TBC1D15: variants seen among roughly 807,000 people sequenced by gnomAD.
TBC1D15 encodes GAP for RAB7.
A neutral mutation model predicts 95.4 loss-of-function variants in TBC1D15; 39 were observed. The observed-to-expected ratio is 0.41, with a 90% CI of 0.32 to 0.53. The LOEUF (loss-of-function observed/expected upper bound fraction) is 0.53. Among genes scored for constraint, TBC1D15 ranks in the 20% least tolerant of loss-of-function variants. TBC1D15 has a pLI of 0.29. For missense variants in TBC1D15, 733 were observed against 794.3 expected (o/e 0.92, Z 0.93); for synonymous variants, 258 against 261.3 (o/e 0.99, Z 0.12).
chr12:71,920,975 A>G (rs1869065958), intron 15 of TBC1D15, 128 bp downstream of exon 15: 1 of 666,378 alleles, frequency 1.5e-6, no homozygotes. Context: ...TAACAGTGCT[A>G]GGAATGACTA....
At chr12:71,900,152 T>G (rs1899036109) in intron 10 of TBC1D15, among the ~76,000 whole-genome samples, 1 of 151,902 alleles carries the variant, frequency 6.6e-6, no homozygotes, top group Non-Finnish European at 1.5e-5. Flanking sequence ...ATGGTGAAAT[T>G]GAATTAAGTG....
chr12:71,911,009 AAC>A (rs1384658722), intron 11 of TBC1D15, among the ~76,000 whole-genome samples: 1 of 152,162 alleles, frequency 6.6e-6, no homozygotes, highest in Non-Finnish European at 1.5e-5. Flanking sequence ...GCAGCCAAAA[AAC>A]ACACGAAAAA....
At chr12:71,880,721 G>T (rs755657170) in intron 4 of TBC1D15, 114 bp downstream of exon 4, 33 of 1,181,506 alleles carry the variant, frequency 2.8e-5, no homozygotes, top group South Asian at 4.3e-5. Flanking sequence ...TAATTTCTTT[G>T]GTTAATAGGT....
intron 5 of TBC1D15, among the ~76,000 whole-genome samples, chr12:71,891,223 T>A (rs1452244385): frequency 6.6e-6 from 1 of 152,218 alleles, no homozygotes; most frequent in Non-Finnish European, 1.5e-5. Context: ...AGTTTATAAT[T>A]TCTGAGTTTA....
chr12:71,875,496 T>TTA (rs1255325284), intron 3 of TBC1D15, among the ~76,000 whole-genome samples: 1 of 152,046 alleles, frequency 6.6e-6, no homozygotes, highest in African/African-American at 2.4e-5. Flanking sequence ...TCTTCTGAGT[T>TTA]TTATAGTTTT....
intron 11 of TBC1D15, 25 bp from the exon 12 acceptor site, chr12:71,913,801 A>G (rs1903019920): frequency 1.3e-6 from 2 of 1,527,694 alleles, no homozygotes; most frequent in African/African-American, 1.4e-5. Context: ...GGGTTTTCAG[A>G]GATGATTTTT....
intron 1 of TBC1D15, among the ~76,000 whole-genome samples, chr12:71,864,068 T>C (rs1890951176): frequency 6.6e-6 from 1 of 152,078 alleles, no homozygotes; most frequent in African/African-American, 2.4e-5. Flanking sequence ...GGTGTCCTAT[T>C]TTCTTGCTTT....
chr12:71,883,166 T>G (rs1189111899), intron 4 of TBC1D15, among the ~76,000 whole-genome samples: 2 of 152,060 alleles, frequency 1.3e-5, no homozygotes, highest in African/African-American at 2.4e-5. Flanking sequence ...CTGTGAAATA[T>G]TTTTGGTCTT....
rs752391187 is a variant in TBC1D15 at position 71,923,196 on chromosome 12, C to A, written c.2017C>A (p.Pro673Thr). 3.7e-5 allele frequency: 60 copies of A among 1,613,594 alleles called. No homozygotes were observed. Among genetic ancestry groups the A allele is most frequent in the Non-Finnish European group, 4.8e-5 (57 of 1,179,650 alleles). ...PVSSDVCRLTPA is the reference protein window; with the variant it reads ...PVSSDVCRLTTA ...GTCCTCAGATGTCTGCAGATTAACA[C>A]CTGCATGATCACTGTTCTTGCTTTT... is the stretch of plus-strand genomic sequence containing the variant. The change falls in exon 17 of 17, where the codon CCT (proline) becomes ACT (threonine). Residue 673 changes from proline to threonine, a missense_variant. Physicochemically the swap from Pro to Thr is conservative, Grantham distance 38 (BLOSUM62 -1). Coordinates refer to ENST00000485960, the MANE Select transcript of TBC1D15 (RefSeq NM_001146213.3).
In TBC1D15 at chr12:71,839,764, C is replaced by T. The variant is rs761465980; in HGVS notation, c.-18C>T. On this transcript the variant is annotated 5_prime_UTR_variant, in exon 1 of 17. Coordinates refer to ENST00000485960, the MANE Select transcript of TBC1D15 (RefSeq NM_001146213.3). ...ACGTGAGGTTCTGCTACGTCATTAC[C>T]AGGCACGCGCAGGAAACATGGCGGC... The T allele has an allele frequency of 6.2e-7, 1 of 1,614,172 alleles. No homozygotes were observed. The highest frequency in any genetic ancestry group is 1.3e-5 in the African/African-American group (1 of 75,062).
At chr12:71,861,158 A>G (rs763418473) in intron 1 of TBC1D15, among the ~76,000 whole-genome samples, 3 of 152,028 alleles carry the variant, frequency 2.0e-5, no homozygotes, top group Non-Finnish European at 4.4e-5. Flanking sequence ...ATATTGGCCT[A>G]TGGTGTTCTT....
intron 4 of TBC1D15, among the ~76,000 whole-genome samples, chr12:71,881,695 A>G (rs1895173717): frequency 1.3e-5 from 2 of 152,080 alleles, no homozygotes; most frequent in South Asian, 2.1e-4. Flanking sequence ...AGGCAGGCGG[A>G]TCACGAGGTC....
At chr12:71,904,414 A>G (rs1031011493) in intron 10 of TBC1D15, among the ~76,000 whole-genome samples, 1 of 152,232 alleles carries the variant, frequency 6.6e-6, no homozygotes, top group Non-Finnish European at 1.5e-5. Flanking sequence ...AAACAGATGT[A>G]GAGAAAATGA....
rs551751710 is a variant in TBC1D15, at chr12:71,877,159, A to C, written c.205-3310A>C. On this transcript the variant is annotated intron_variant, in intron 3 of 16. Coordinates refer to ENST00000485960, the MANE Select transcript of TBC1D15 (RefSeq NM_001146213.3). ...TTTCTACTTTCCTTTATTGATGTTA[A>C]GTCTAATGCATTCTAATTCCTGATC... Among the ~76,000 whole-genome samples the C allele has an allele frequency of 6.8e-5, 10 of 146,866 alleles. No homozygotes were observed. The South Asian group carries it at 1.9e-3, about 28-fold the overall frequency.
intron 3 of TBC1D15, among the ~76,000 whole-genome samples, chr12:71,876,579 C>T (rs903924788): frequency 6.6e-6 from 1 of 151,980 alleles, no homozygotes; most frequent in Non-Finnish European, 1.5e-5. Context: ...TATTTTAATC[C>T]CTCTGTTTTT....
At chr12:71,916,842 T>A (rs1210984235) in intron 12 of TBC1D15, among the ~76,000 whole-genome samples, 1 of 152,154 alleles carries the variant, frequency 6.6e-6, no homozygotes, top group African/African-American at 2.4e-5. Context: ...TCCCAAACTT[T>A]GTGACCTCAG....
At chr12:71,863,154 G>A (rs997988760) in intron 1 of TBC1D15, among the ~76,000 whole-genome samples, 4 of 152,028 alleles carry the variant, frequency 2.6e-5, no homozygotes, top group African/African-American at 7.2e-5. Context: ...TGAGGCGAGC[G>A]GATCACGAGG....
chr12:71,871,945 A>G (rs1452502124), intron 1 of TBC1D15, 125 bp from the exon 2 acceptor site: 2 of 411,936 alleles, frequency 4.9e-6, no homozygotes, highest in Admixed American at 8.8e-5. Context: ...TTTAAATAAT[A>G]CATTTATATA....
At chr12:71,876,016 A>G (rs1377534729) in intron 3 of TBC1D15, among the ~76,000 whole-genome samples, 2 of 151,976 alleles carry the variant, frequency 1.3e-5, no homozygotes, top group African/African-American at 4.8e-5. Context: ...GCTGGTCTCG[A>G]TCTCCTGACC....
Sources: gnomAD v4.1 joint callset for allele counts (sites outside exome capture counted in the v4.1 genomes callset) on GRCh38, gnomAD v4.1.1 for gene constraint, MANE v1.5 for transcripts, NCBI Gene and HGNC (gene_info 2026-07-23, HGNC 2026-07-21) for gene names.